CD58: variants seen among roughly 807,000 people sequenced by gnomAD.
CD58 encodes CD58 molecule.
CD58 carries 14 observed loss-of-function variants against 27.6 expected under a neutral mutation model. The observed-to-expected ratio is 0.51, with a 90% confidence interval of 0.34 to 0.79. The LOEUF is 0.79. Among genes scored for constraint, CD58 ranks in the 30% least tolerant of loss-of-function variants. The pLI is 0.02. For synonymous variants in CD58, 117 were observed against 103.8 expected, an observed-to-expected ratio of 1.13 and a Z score of -0.77; for missense variants, 268 against 301.7, an observed-to-expected ratio of 0.89 and a Z score of 0.83.
chr1:116,553,663 GA>G (rs1185043966), intron 1 of CD58, among the ~76,000 whole-genome samples: 1 of 152,206 alleles, frequency 6.6e-6, no homozygotes, highest in African/African-American at 2.4e-5. Flanking sequence ...GGGTCTGTGA[GA>G]CATCCAAGCA....
rs371329933 is a variant in CD58 at position 116,538,135 on chromosome 1, TA to T, written c.365-1908del. Among the ~76,000 whole-genome samples the T allele has an allele frequency of 5.4e-4, 83 of 152,366 alleles. 1 individual carries two copies. In the South Asian group the frequency reaches 0.017, roughly 31 times the overall value. On this transcript the variant is annotated intron_variant, in intron 2 of 5. Transcript: ENST00000369489. This position sits in a 1 kb window ranked among gnomAD's most constrained non-coding sequence, Gnocchi z 4.7. ...TTTCTACTTGGGGCTTCCTAGTTTTTAAGTTTAATCTAGCTCACACAAGTCC... is the reference window on the plus strand; with the variant it reads ...TTTCTACTTGGGGCTTCCTAGTTTTTAGTTTAATCTAGCTCACACAAGTCC...
chr1:116,552,635 C>CT lies in CD58; in HGVS notation c.71-8032dup, dbSNP rs1658430781. Among the ~76,000 whole-genome samples the CT allele has an allele frequency of 6.6e-6, 1 of 152,192 alleles. No homozygotes were observed. The highest frequency in any genetic ancestry group is 2.4e-5 in the African/African-American group (1 of 41,446). ...CCTTTCCATTAATATGTCATAAAATCTCCTTGAAATCAACTGGTATAGCTA... is the reference window on the plus strand; with the variant it reads ...CCTTTCCATTAATATGTCATAAAATCTTCCTTGAAATCAACTGGTATAGCTA... On this transcript the variant is annotated intron_variant, in intron 1 of 5. Transcript: ENST00000369489. The surrounding 1 kb of genome is among the most constrained non-coding windows in gnomAD (Gnocchi z 4.5).
At chr1:116,529,763 G>A (rs965881418) in intron 3 of CD58, among the ~76,000 whole-genome samples, 1 of 152,150 alleles carries the variant, frequency 6.6e-6, no homozygotes, top group Non-Finnish European at 1.5e-5. Context: ...AGTACAATAC[G>A]AGTTGGACAA....
intron 1 of CD58, among the ~76,000 whole-genome samples, chr1:116,549,402 C>T (rs1387924958): frequency 1.3e-5 from 2 of 152,112 alleles, no homozygotes; most frequent in South Asian, 2.1e-4. Context: ...ATTAAGAGAA[C>T]AATTATGCAG....
rs1207309311 is a variant in CD58 at position 116,570,997 on chromosome 1, G to T, written c.-25C>A. 3.3e-6 allele frequency: 5 copies of T among 1,531,500 alleles called. No homozygotes were observed. The highest frequency in any genetic ancestry group is 2.0e-5 in the Admixed American group (1 of 50,392). 94.9% of individuals were successfully genotyped at this position (1,531,500 alleles called of 1,614,324 possible). Reference sequence around the variant, plus strand: ...TGGCTCGTCGGGCCGGCCTCTGCGCGAGTGCCCAGCCACAAGCAGCCCTAA... The same window carrying T: ...TGGCTCGTCGGGCCGGCCTCTGCGCTAGTGCCCAGCCACAAGCAGCCCTAA... On this transcript the variant is annotated 5_prime_UTR_variant, in exon 1 of 6. Coordinates refer to ENST00000369489, the MANE Select transcript of CD58 (RefSeq NM_001779.3). The surrounding 1 kb of genome is among the most constrained non-coding windows in gnomAD (Gnocchi z 6.4).
intron 3 of CD58, among the ~76,000 whole-genome samples, chr1:116,529,320 C>T (rs1657523816): frequency 1.3e-5 from 2 of 152,192 alleles, no homozygotes; most frequent in South Asian, 4.1e-4. Flanking sequence ...ACTCTGACCG[C>T]AGATAAGGAG....
At position 116,570,427 on chromosome 1, in the gene CD58, G is replaced by A. The variant is rs571531106; in HGVS notation, c.70+476C>T. ...GAAAAGTCCTCTCTGCTGATACGGC[G>A]GACGCCGCGCGGGCGGGGACGGCAC... is the stretch of plus-strand genomic sequence containing the variant. On this transcript the variant is annotated intron_variant, in intron 1 of 5. Coordinates refer to ENST00000369489, the MANE Select transcript of CD58 (RefSeq NM_001779.3). The surrounding 1 kb of genome is among the most constrained non-coding windows in gnomAD (Gnocchi z 6.4). Among the ~76,000 whole-genome samples, 21 of 152,218 alleles carry A rather than the reference G, an allele frequency of 1.4e-4. No homozygotes were observed. Among genetic ancestry groups the A allele is most frequent in the African/African-American group, 4.6e-4 (19 of 41,544 alleles).
chr1:116,568,990 G>A (rs1659035475), intron 1 of CD58, among the ~76,000 whole-genome samples: 1 of 152,220 alleles, frequency 6.6e-6, no homozygotes, highest in Non-Finnish European at 1.5e-5. Flanking sequence ...ATAAATACAT[G>A]TTTGCTGAAT....
At position 116,570,236 on chromosome 1, in the gene CD58, T is replaced by A. The variant is rs1659093852; in HGVS notation, c.70+667A>T. Among the ~76,000 whole-genome samples, 10 of 152,298 alleles carry A rather than the reference T, an allele frequency of 6.6e-5. No individual in the cohort carries two copies. The South Asian group carries it at 2.1e-3, about 32-fold the overall frequency. On this transcript the variant is annotated intron_variant, in intron 1 of 5. Coordinates refer to ENST00000369489, the MANE Select transcript of CD58 (RefSeq NM_001779.3). This position sits in a 1 kb window ranked among gnomAD's most constrained non-coding sequence, Gnocchi z 6.4. Reference sequence around the variant, plus strand: ...TATTTCCTGAGGTTGTTGTGACGACTTGGCTGACAACACACGGAGAGGATG... The same window carrying A: ...TATTTCCTGAGGTTGTTGTGACGACATGGCTGACAACACACGGAGAGGATG...
At chr1:116,568,831 G>A (rs1659031352) in intron 1 of CD58, among the ~76,000 whole-genome samples, 1 of 152,220 alleles carries the variant, frequency 6.6e-6, no homozygotes, top group South Asian at 2.1e-4. Context: ...GAGGAGTGGG[G>A]CCAGGATCCA....
chr1:116,523,785 C>T lies in CD58; in HGVS notation c.629-1802G>A, dbSNP rs1236249632. ...CAATCTTCACATAAAGATAAACTGCCCCTCATCAACAATGTGGTTACTCTG... is the reference window on the plus strand; with the variant it reads ...CAATCTTCACATAAAGATAAACTGCTCCTCATCAACAATGTGGTTACTCTG... On this transcript the variant is annotated intron_variant, in intron 3 of 5. Transcript: ENST00000369489. The surrounding 1 kb of genome is among the most constrained non-coding windows in gnomAD (Gnocchi z 4.4). Among the ~76,000 whole-genome samples, 1 of 152,150 alleles carries T rather than the reference C, an allele frequency of 6.6e-6. No homozygotes were observed. Among genetic ancestry groups the T allele is most frequent in the Non-Finnish European group, 1.5e-5 (1 of 68,040 alleles).
intron 1 of CD58, among the ~76,000 whole-genome samples, chr1:116,566,861 T>C (rs1658953368): frequency 6.6e-6 from 1 of 151,862 alleles, no homozygotes; most frequent in Non-Finnish European, 1.5e-5. Context: ...GAAGAGAAAA[T>C]TGCTGGGTGG....
At chr1:116,537,552 G>A (rs1209919909) in intron 2 of CD58, among the ~76,000 whole-genome samples, 1 of 152,202 alleles carries the variant, frequency 6.6e-6, no homozygotes, top group Non-Finnish European at 1.5e-5. Context: ...GGAGCAGCAT[G>A]TGTCACAGAC....
chr1:116,568,587 G>T (rs1412298411), intron 1 of CD58, among the ~76,000 whole-genome samples: 1 of 152,198 alleles, frequency 6.6e-6, no homozygotes, highest in Non-Finnish European at 1.5e-5. Context: ...ACTATAAGGT[G>T]AGCTTCACAA....
At chr1:116,533,068 ATCCTTTAAGGCC>A in intron 3 of CD58, 1 of 733,746 alleles carries the variant, frequency 1.4e-6, no homozygotes, top group South Asian at 1.4e-5. Flanking sequence ...AATTGTCATC[ATCCTTTAAGGCC>A]TCCCCAGCGA....
rs1404693149 is a variant in CD58 at position 116,546,452 on chromosome 1, T to C, written c.71-1848A>G. ...CATCTTTCCATTGCTTTGCCGATTA[T>C]GCATTATTTCCTCCACTCAACAGAG... is the stretch of plus-strand genomic sequence containing the variant. On this transcript the variant is annotated intron_variant, in intron 1 of 5. Transcript: ENST00000369489. The surrounding 1 kb of genome is among the most constrained non-coding windows in gnomAD (Gnocchi z 4.1). Among the ~76,000 whole-genome samples, 7 of 152,232 alleles carry C rather than the reference T, an allele frequency of 4.6e-5. No homozygotes were observed. Among genetic ancestry groups the C allele is most frequent in the Non-Finnish European group, 1.0e-4 (7 of 68,042 alleles).
Position 116,528,251 on chromosome 1 carries a change from A to G in CD58, c.629-6268T>C, listed in dbSNP as rs1657487617. ...CTTAACATTCTTTATCTCAGTCTACATAATATTATTTCCTATGTTGCATTT... is the reference window on the plus strand; with the variant it reads ...CTTAACATTCTTTATCTCAGTCTACGTAATATTATTTCCTATGTTGCATTT... On this transcript the variant is annotated intron_variant, in intron 3 of 5. Coordinates refer to ENST00000369489, the MANE Select transcript of CD58 (RefSeq NM_001779.3). The surrounding 1 kb of genome is among the most constrained non-coding windows in gnomAD (Gnocchi z 4.4). 6.6e-6 allele frequency among the ~76,000 whole-genome samples: 1 copy of G among 152,220 alleles called. No individual in the cohort carries two copies.
At chr1:116,567,536 G>C (rs893140862) in intron 1 of CD58, among the ~76,000 whole-genome samples, 5 of 152,118 alleles carry the variant, frequency 3.3e-5, no homozygotes, top group African/African-American at 1.2e-4. Flanking sequence ...TACTCAGAAG[G>C]CTGAGGTGGC....
In CD58 at chr1:116,524,883, G is replaced by A. The variant is rs888939113; in HGVS notation, c.629-2900C>T. ...GGTTATTCCACAAACTTGATTCATG[G>A]CTTAGTAAGTTAGCTTCACTTGGCT... On this transcript the variant is annotated intron_variant, in intron 3 of 5. Coordinates refer to ENST00000369489, the MANE Select transcript of CD58 (RefSeq NM_001779.3). The surrounding 1 kb of genome is among the most constrained non-coding windows in gnomAD (Gnocchi z 4.6). Among the ~76,000 whole-genome samples, 5 of 152,120 alleles carry A rather than the reference G, an allele frequency of 3.3e-5. No individual in the cohort carries two copies. The highest frequency in any genetic ancestry group is 6.6e-5 in the Admixed American group (1 of 15,260).
Sources: gnomAD v4.1 joint callset for allele counts (sites outside exome capture counted in the v4.1 genomes callset) on GRCh38, gnomAD v4.1.1 for gene constraint, Gnocchi (gnomAD v3.1) non-coding constraint, MANE v1.5 for transcripts, NCBI Gene and HGNC (gene_info 2026-07-23, HGNC 2026-07-21) for gene names.